GABBR2: variants seen among roughly 807,000 people sequenced by gnomAD.
The protein encoded by GABBR2 is gamma-aminobutyric acid type B receptor subunit 2, also known as G-protein coupled receptor 51.
GABBR2 carries 23 observed loss-of-function variants against 105.6 expected under a neutral mutation model. The observed-to-expected ratio is 0.22, with a 90% CI of 0.16 to 0.31. GABBR2 has a LOEUF of 0.31. GABBR2 is among the 10% of genes least tolerant of loss of function. GABBR2 has a pLI of 1.00. For missense variants in GABBR2, 734 were observed against 1,245.5 expected (o/e 0.59, Z 6.18); for synonymous variants, 478 against 499.7 (o/e 0.96, Z 0.58).
intron 4 of GABBR2, among the ~76,000 whole-genome samples, chr9:98,483,261 A>C (rs1826967551): frequency 6.6e-6 from 1 of 152,084 alleles, no homozygotes. Flanking sequence ...GCTCACAACT[A>C]GCTCCTTAAT....
intron 6 of GABBR2, among the ~76,000 whole-genome samples, chr9:98,469,949 A>C (rs1387807681): frequency 1.3e-5 from 2 of 152,242 alleles, no homozygotes; most frequent in African/African-American, 4.8e-5. Context: ...CGCAAATTCA[A>C]ATTCAAGAAA....
chr9:98,505,615 T>C (rs1277857494), intron 3 of GABBR2, among the ~76,000 whole-genome samples: 1 of 152,208 alleles, frequency 6.6e-6, no homozygotes, highest in Non-Finnish European at 1.5e-5. Context: ...CTGAAGGATC[T>C]TGGGATGAGA....
chr9:98,575,719 C>T (rs557621959), intron 2 of GABBR2, among the ~76,000 whole-genome samples: 23 of 152,314 alleles, frequency 1.5e-4, no homozygotes, highest in African/African-American at 2.2e-4. Context: ...GCTCCCACGG[C>T]ACACTGAGCC....
At chr9:98,299,438 G>A in intron 16 of GABBR2, 85 bp from the exon 17 acceptor site, 6 of 1,487,702 alleles carry the variant, frequency 4.0e-6, no homozygotes, top group Non-Finnish European at 5.6e-6. Flanking sequence ...AGCTCACAGG[G>A]CTGGGCCTTT....
At chr9:98,639,227 G>C (rs1829924827) in intron 1 of GABBR2, among the ~76,000 whole-genome samples, 1 of 152,280 alleles carries the variant, frequency 6.6e-6, no homozygotes, top group African/African-American at 2.4e-5. Context: ...GATGCTGGGA[G>C]CCCTGCACCT....
At chr9:98,607,094 C>T in intron 1 of GABBR2, 1 of 1,588,506 alleles carries the variant, frequency 6.3e-7, no homozygotes, top group Non-Finnish European at 8.6e-7. Flanking sequence ...TTGATTCACG[C>T]TATGGTAGTG....
chr9:98,652,857 G>A (rs1209894787), intron 1 of GABBR2, among the ~76,000 whole-genome samples: 3 of 152,228 alleles, frequency 2.0e-5, no homozygotes, highest in Admixed American at 6.5e-5. Flanking sequence ...AGGAGCAGTG[G>A]TTCTCAACCT....
chr9:98,500,989 A>G (rs373162263), intron 3 of GABBR2, among the ~76,000 whole-genome samples: 1 of 152,288 alleles, frequency 6.6e-6, no homozygotes, highest in East Asian at 1.9e-4. Context: ...ACAAAGCAGG[A>G]TAAGTTTTAA....
At position 98,655,301 on chromosome 9, in the gene GABBR2, C is replaced by T. The variant is rs149955740; in HGVS notation, c.321+53116G>A. The stretch of plus-strand genomic sequence containing the variant: ...TGGGGGATGTCGATAATGGGGGATG[C>T]TGTTCATGTGTGTAAGCAAGGGGTG... On this transcript the variant is annotated intron_variant, in intron 1 of 18. Coordinates refer to ENST00000259455, the MANE Select transcript of GABBR2 (RefSeq NM_005458.8). Among the ~76,000 whole-genome samples, 27 of 152,104 alleles carry T rather than the reference C, an allele frequency of 1.8e-4. No homozygotes were observed. The East Asian group carries it at 5.0e-3, about 28-fold the overall frequency.
chr9:98,422,496 C>CTGTGTGTGTGTGTGTGTGTG (rs370880704), intron 7 of GABBR2, among the ~76,000 whole-genome samples: 2 of 146,472 alleles, frequency 1.4e-5, no homozygotes, highest in African/African-American at 5.0e-5. Context: ...CTTAATGCAC[C>CTGTGTGTGTGTGTGTGTGTG]TGTGTGTGTG....
intron 6 of GABBR2, among the ~76,000 whole-genome samples, chr9:98,456,218 C>T (rs1043761229): frequency 1.3e-5 from 2 of 152,128 alleles, no homozygotes; most frequent in Non-Finnish European, 2.9e-5. Context: ...CTCTTTAAAC[C>T]TTTTGGGTCC....
intron 1 of GABBR2, among the ~76,000 whole-genome samples, chr9:98,636,091 C>G (rs975494419): frequency 5.3e-5 from 8 of 152,138 alleles, no homozygotes; most frequent in South Asian, 2.1e-4. Flanking sequence ...TTACCTTCTC[C>G]ATTATGAAAA....
At chr9:98,627,483 A>G (rs1829755705) in intron 1 of GABBR2, among the ~76,000 whole-genome samples, 1 of 152,236 alleles carries the variant, frequency 6.6e-6, no homozygotes, top group African/African-American at 2.4e-5. Context: ...TCATCGGGAC[A>G]TCATGTGAAA....
chr9:98,537,936 T>C (rs1304269125), intron 3 of GABBR2, among the ~76,000 whole-genome samples: 2 of 152,166 alleles, frequency 1.3e-5, no homozygotes, highest in Non-Finnish European at 2.9e-5. Context: ...GAGAACACAA[T>C]GCAGGAAGCC....
chr9:98,388,619 CTGTGTGTGTGTGTGTGTG>C lies in GABBR2; in HGVS notation c.1529+217_1529+234del, dbSNP rs113747643. ...TCCTGTGCAACCAGCAGCCTGGCCT[CTGTGTGTGTGTGTGTGTG>C]TGTGTGTGTGTGTGTGTGTGTGTGC... On this transcript the variant is annotated intron_variant, in intron 10 of 18. Transcript: ENST00000259455. The surrounding 1 kb of genome is among the most constrained non-coding windows in gnomAD (Gnocchi z 4.4). Among the ~76,000 whole-genome samples, 64 of 144,572 alleles carry C rather than the reference CTGTGTGTGTGTGTGTGTG, an allele frequency of 4.4e-4. No individual in the cohort carries two copies. Among genetic ancestry groups the C allele is most frequent in the South Asian group, 1.6e-3 (7 of 4,286 alleles). 94.8% of individuals were successfully genotyped at this position (144,572 alleles called of 152,430 possible). A position where few individuals can be genotyped will look rare whatever the true frequency, so the allele number is the denominator to read the frequency against.
At chr9:98,701,889 TG>T (rs1830833446) in intron 1 of GABBR2, among the ~76,000 whole-genome samples, 1 of 152,090 alleles carries the variant, frequency 6.6e-6, no homozygotes, top group African/African-American at 2.4e-5. Flanking sequence ...AACAGCCCTG[TG>T]AGGTCAGCAC....
chr9:98,454,355 T>C lies in GABBR2; in HGVS notation c.1000-138A>G, dbSNP rs1336546812. ...GCTAGATTCTACGTGCATTATCTCA[T>C]TTAACCCTCACAACAACCTCATAAG... On this transcript the variant is annotated intron_variant, in intron 6 of 18. Transcript: ENST00000259455. This position sits in a 1 kb window ranked among gnomAD's most constrained non-coding sequence, Gnocchi z 4.6. The C allele has an allele frequency of 8.8e-6, 6 of 678,664 alleles. No individual in the cohort carries two copies. The East Asian group carries it at 1.3e-4, about 14-fold the overall frequency. 42.0% of individuals were successfully genotyped at this position (678,664 alleles called of 1,614,324 possible). A position where few individuals can be genotyped will look rare whatever the true frequency, so the allele number is the denominator to read the frequency against.
intron 2 of GABBR2, among the ~76,000 whole-genome samples, chr9:98,572,663 G>T (rs2779523): frequency 0.5 from 75,494 of 151,930 alleles, 21,214 homozygotes; most frequent in African/African-American, 0.78. Context: ...AATGGGTCTA[G>T]GTTTCCTGAG....
At chr9:98,580,094 T>C (rs1487206137) in intron 1 of GABBR2, among the ~76,000 whole-genome samples, 1 of 152,170 alleles carries the variant, frequency 6.6e-6, no homozygotes, top group African/African-American at 2.4e-5. Flanking sequence ...CTGAGTTCCC[T>C]TTTCTCTTCC....
Sources: allele counts gnomAD v4.1 joint callset (sites outside exome capture counted in the v4.1 genomes callset), GRCh38; gene constraint gnomAD v4.1.1; non-coding constraint Gnocchi (gnomAD v3.1); transcripts MANE v1.5; gene names NCBI Gene and HGNC (gene_info 2026-07-23, HGNC 2026-07-21).